Variants in CRHR2 observed in about 807,000 individuals in gnomAD.
CRHR2 encodes corticotropin releasing hormone receptor 2, also known as corticotropin-releasing hormone receptor 2.
CRHR2 carries 53 observed loss-of-function variants against 57.9 expected under a neutral mutation model. The ratio of observed to expected loss-of-function variants is 0.92; its 90% CI spans 0.73 to 1.15. The LOEUF (loss-of-function observed/expected upper bound fraction) is 1.15. Ranked by LOEUF, CRHR2 falls within the 50% of genes most tolerant of loss-of-function variation. The probability of loss-of-function intolerance (pLI) is 0.00; values close to 1 mark genes in which losing one functional copy is unlikely to be tolerated. For missense variants in CRHR2, 532 were observed against 542.6 expected, an observed-to-expected ratio of 0.98 and a Z score of 0.19; for synonymous variants, 213 against 220.9, an observed-to-expected ratio of 0.96 and a Z score of 0.32.
chr7:30,674,650 G>A (rs1022136191), intron 2 of CRHR2, among the ~76,000 whole-genome samples: 1 of 152,160 alleles, frequency 6.6e-6, no homozygotes, highest in Non-Finnish European at 1.5e-5. Flanking sequence ...CCCTCCAGGG[G>A]GGCAAGGGGC....
At chr7:30,682,525 T>G, upstream of CRHR2, 3 of 1,243,190 alleles carry the variant, frequency 2.4e-6, no homozygotes, top group Non-Finnish European at 1.0e-6. Context: ...CCGCGGCCAA[T>G]GGCTGCGCCG....
upstream of CRHR2, among the ~76,000 whole-genome samples, chr7:30,687,225 G>A (rs980973154): frequency 1.4e-4 from 21 of 152,118 alleles, no homozygotes; most frequent in African/African-American, 4.6e-4. Context: ...GGGGACTTGA[G>A]AAATGATTCC....
intron 2 of CRHR2, among the ~76,000 whole-genome samples, chr7:30,680,757 C>T (rs992400770): frequency 1.3e-5 from 2 of 151,950 alleles, no homozygotes; most frequent in African/African-American, 4.8e-5. Context: ...GGTGCAGGTA[C>T]ATCTCTCTTG....
chr7:30,667,079 G>A, intron 3 of CRHR2, 149 bp downstream of exon 3: 1 of 672,972 alleles, frequency 1.5e-6, no homozygotes, highest in Non-Finnish European at 2.6e-6. Context: ...TAAGCACAGG[G>A]CAGGACACTG....
At chr7:30,697,171 C>T (rs1785075204) in intron 1 of CRHR2, among the ~76,000 whole-genome samples, 1 of 152,200 alleles carries the variant, frequency 6.6e-6, no homozygotes, top group Non-Finnish European at 1.5e-5. Context: ...CAGGGAGGGT[C>T]CAGGGACTGC....
At chr7:30,660,685 G>C in intron 7 of CRHR2, 40 bp from the exon 8 acceptor site, 1 of 1,543,992 alleles carries the variant, frequency 6.5e-7, no homozygotes, top group South Asian at 1.2e-5. Context: ...TCCTGAGCTG[G>C]AACTGGGGGA....
At chr7:30,659,186 A>G (rs1329145651) in intron 8 of CRHR2, among the ~76,000 whole-genome samples, 1 of 152,234 alleles carries the variant, frequency 6.6e-6, no homozygotes, top group Non-Finnish European at 1.5e-5. Context: ...CTGGGCCCAA[A>G]GGAAAGAAGG....
rs1784030960 is a variant in CRHR2 at position 30,662,231 on chromosome 7, G to A, written c.698-15C>T. ...GAAGGGGATGCCTGAAAGAAGGAAA[G>A]ACTTGGGCTGCAGGGGACAGATGGA... On this transcript the variant is annotated splice_polypyrimidine_tract_variant and intron_variant, in intron 6 of 11. Transcript: ENST00000471646. The A allele has an allele frequency of 6.2e-7, 1 of 1,613,992 alleles. No homozygotes were observed. The highest frequency in any genetic ancestry group is 8.5e-7 in the Non-Finnish European group (1 of 1,180,002).
At chr7:30,697,442 TC>T (rs906420217) in intron 1 of CRHR2, among the ~76,000 whole-genome samples, 12 of 152,138 alleles carry the variant, frequency 7.9e-5, no homozygotes, top group African/African-American at 2.9e-4. Flanking sequence ...GGTCCCACCT[TC>T]CCGGTGTTTG....
At chr7:30,660,699 C>T in intron 7 of CRHR2, 54 bp from the exon 8 acceptor site, 1 of 1,526,574 alleles carries the variant, frequency 6.6e-7, no homozygotes, top group South Asian at 1.2e-5. Context: ...TGGGGGACCC[C>T]CACAGACTTG....
chr7:30,653,953 T>C lies in CRHR2; in HGVS notation c.1096-353A>G, dbSNP rs1447497806. On this transcript the variant is annotated intron_variant, in intron 11 of 11. Coordinates refer to ENST00000471646, the MANE Select transcript of CRHR2 (RefSeq NM_001883.5). The surrounding 1 kb of genome is among the most constrained non-coding windows in gnomAD (Gnocchi z 5.0). ...TGGAGACTTGGCCCCCTCAGCCTTC[T>C]TGGGCCCCTGCTCCTTGCAGGGCGT... 2.0e-5 allele frequency among the ~76,000 whole-genome samples: 3 copies of C among 152,082 alleles called. No homozygotes were observed. The East Asian group carries it at 5.8e-4, about 30-fold the overall frequency.
At chr7:30,662,630 A>C in intron 6 of CRHR2, 64 bp downstream of exon 6, 1 of 1,569,600 alleles carries the variant, frequency 6.4e-7, no homozygotes, top group Non-Finnish European at 8.7e-7. Flanking sequence ...ACCCAAGACG[A>C]AGGGAAATGG....
Position 30,653,428 on chromosome 7 carries a change from CA to C in CRHR2, c.*31del. The C allele has an allele frequency of 6.2e-7, 1 of 1,607,798 alleles. No individual in the cohort carries two copies. The highest frequency in any genetic ancestry group is 1.3e-5 in the African/African-American group (1 of 74,958). On this transcript the variant is annotated 3_prime_UTR_variant, in exon 12 of 12. Coordinates refer to ENST00000471646, the MANE Select transcript of CRHR2 (RefSeq NM_001883.5). The surrounding 1 kb of genome is among the most constrained non-coding windows in gnomAD (Gnocchi z 5.0). ...CCCAGAGGAAGAAGGTGGAGGAGGACAGGGGAGCTGTGCAGGTGGGCGACCG... is the reference window on the plus strand; with the variant it reads ...CCCAGAGGAAGAAGGTGGAGGAGGACGGGGAGCTGTGCAGGTGGGCGACCG...
intron 1 of CRHR2, among the ~76,000 whole-genome samples, chr7:30,690,447 C>T (rs1302872271): frequency 6.6e-6 from 1 of 152,132 alleles, no homozygotes; most frequent in African/African-American, 2.4e-5. Flanking sequence ...TACATGCACA[C>T]ACGTGTGTGA....
chr7:30,672,501 C>T (rs1401778780), intron 2 of CRHR2, among the ~76,000 whole-genome samples: 2 of 152,148 alleles, frequency 1.3e-5, no homozygotes, highest in Admixed American at 6.5e-5. Context: ...CTTGGGAACT[C>T]ATTGAAGGTA....
At chr7:30,699,581 C>G (rs1427049244) in intron 1 of CRHR2, 1 of 167,754 alleles carries the variant, frequency 6.0e-6, no homozygotes, top group Non-Finnish European at 1.3e-5. Flanking sequence ...GACAGGGAAT[C>G]TTGGACCCTG....
intron 1 of CRHR2, chr7:30,698,077 TC>T (rs1292696275): frequency 6.6e-6 from 1 of 152,460 alleles, no homozygotes; most frequent in Non-Finnish European, 1.5e-5. Flanking sequence ...TGGGCTGCCT[TC>T]CCTCCCGACT....
At chr7:30,662,933 G>T in intron 5 of CRHR2, 86 bp from the exon 6 acceptor site, 1 of 1,510,526 alleles carries the variant, frequency 6.6e-7, no homozygotes, top group South Asian at 1.3e-5. Flanking sequence ...ACAAGACACA[G>T]GGCTCCCCAA....
chr7:30,674,832 A>G (rs1014742612), intron 2 of CRHR2, among the ~76,000 whole-genome samples: 1 of 151,624 alleles, frequency 6.6e-6, no homozygotes, highest in African/African-American at 2.4e-5. Flanking sequence ...GATTTCCCCT[A>G]CCCAAGGACA....
Sources: gnomAD v4.1 joint callset for allele counts (sites outside exome capture counted in the v4.1 genomes callset) on GRCh38, gnomAD v4.1.1 for gene constraint, Gnocchi (gnomAD v3.1) non-coding constraint, MANE v1.5 for transcripts, NCBI Gene and HGNC (gene_info 2026-07-23, HGNC 2026-07-21) for gene names.